TRDN: variants seen among roughly 807,000 people sequenced by gnomAD.
The protein encoded by TRDN is triadin in skeletal muscle.
Under a neutral mutation model 149.7 loss-of-function variants are expected in TRDN, and 161 were observed. The ratio of observed to expected loss-of-function variants is 1.08; its 90% CI spans 0.95 to 1.23. The LOEUF is 1.23. Ranked by LOEUF, TRDN falls within the 50% of genes most tolerant of loss-of-function variation. The probability of loss-of-function intolerance (pLI) is 0.00; values close to 1 mark genes in which losing one functional copy is unlikely to be tolerated. For missense variants in TRDN, 896 were observed against 823.5 expected (o/e 1.09, Z -1.08); for synonymous variants, 294 against 250.5 (o/e 1.17, Z -1.64).
chr6:123,464,644 T>C (rs553477926), intron 10 of TRDN: 1 of 1,202,250 alleles, frequency 8.3e-7, no homozygotes, highest in South Asian at 2.6e-5. Context: ...TGTCCCTATA[T>C]TTTTTTGCTT....
intron 40 of TRDN, among the ~76,000 whole-genome samples, chr6:123,218,988 G>A (rs1035063222): frequency 3.8e-4 from 57 of 151,818 alleles, no homozygotes; most frequent in African/African-American, 1.4e-3. Context: ...AATTCTTCCT[G>A]GTATGTAATA....
At chr6:123,611,699 A>G (rs1213993493) in intron 1 of TRDN, among the ~76,000 whole-genome samples, 2 of 152,260 alleles carry the variant, frequency 1.3e-5, no homozygotes, top group East Asian at 1.9e-4. Flanking sequence ...AGGATTTTAG[A>G]TCTATGATTG....
intron 24 of TRDN, among the ~76,000 whole-genome samples, chr6:123,301,017 T>A (rs1022725555): frequency 6.6e-6 from 1 of 151,998 alleles, no homozygotes; most frequent in Non-Finnish European, 1.5e-5. Flanking sequence ...TGCCAGGAAC[T>A]GTTCCTAGCA....
intron 38 of TRDN, among the ~76,000 whole-genome samples, chr6:123,233,829 G>A (rs1775696203): frequency 6.6e-6 from 1 of 151,806 alleles, no homozygotes; most frequent in South Asian, 2.1e-4. Context: ...TTTAATAATT[G>A]TATCCATTTT....
intron 14 of TRDN, among the ~76,000 whole-genome samples, chr6:123,385,508 T>C (rs1179651738): frequency 6.6e-6 from 1 of 152,076 alleles, no homozygotes; most frequent in Admixed American, 6.6e-5. Flanking sequence ...GATAGCCTAC[T>C]AGTGCTAGTA....
chr6:123,223,342 G>T (rs1775221690), intron 39 of TRDN, among the ~76,000 whole-genome samples: 1 of 151,690 alleles, frequency 6.6e-6, no homozygotes, highest in South Asian at 2.1e-4. Context: ...TGGATGGCAG[G>T]ATTAATACCT....
intron 1 of TRDN, among the ~76,000 whole-genome samples, chr6:123,574,820 G>A (rs890352381): frequency 2.3e-5 from 3 of 131,336 alleles, no homozygotes; most frequent in African/African-American, 5.6e-5. Flanking sequence ...ATTGTAAAAA[G>A]GCTAAACATT....
chr6:123,302,305 A>AT (rs1778457573), intron 24 of TRDN, among the ~76,000 whole-genome samples: 1 of 152,040 alleles, frequency 6.6e-6, no homozygotes, highest in Non-Finnish European at 1.5e-5. Flanking sequence ...CAACTGGTAA[A>AT]ATATAAAGGC....
At chr6:123,502,972 T>TTA (rs1342430052) in intron 8 of TRDN, 47 of 985,188 alleles carry the variant, frequency 4.8e-5, no homozygotes, top group Non-Finnish European at 5.4e-5. Context: ...GTTGCCCTCC[T>TTA]AAACCTTCAG....
chr6:123,246,210 T>C (rs1776172455), intron 38 of TRDN, among the ~76,000 whole-genome samples: 2 of 151,986 alleles, frequency 1.3e-5, no homozygotes, highest in Non-Finnish European at 2.9e-5. Flanking sequence ...ATTCAAAATC[T>C]AGCAGAAGAC....
intron 5 of TRDN, among the ~76,000 whole-genome samples, chr6:123,520,855 A>G (rs1779643033): frequency 6.6e-6 from 1 of 152,060 alleles, no homozygotes; most frequent in Non-Finnish European, 1.5e-5. Context: ...TTTATTTTTC[A>G]TGATTGCCAG....
Position 123,331,867 on chromosome 6 carries a change from G to T in TRDN, c.1471+12C>A. ...GATCAATGTGGCTTCACATTTCATT[G>T]TATAATATTACCTTTTTCCTTTAGG... is the stretch of plus-strand genomic sequence containing the variant. On this transcript the variant is annotated intron_variant, in intron 23 of 40. Coordinates refer to ENST00000334268, the MANE Select transcript of TRDN (RefSeq NM_006073.4). The T allele has an allele frequency of 6.6e-7, 1 of 1,520,488 alleles. No individual in the cohort carries two copies. The highest frequency in any genetic ancestry group is 8.9e-7 in the Non-Finnish European group (1 of 1,127,624). 94.2% of individuals were successfully genotyped at this position (1,520,488 alleles called of 1,614,324 possible). A position where few individuals can be genotyped will look rare whatever the true frequency, so the allele number is the denominator to read the frequency against.
At chr6:123,515,441 G>A (rs944359956) in intron 6 of TRDN, among the ~76,000 whole-genome samples, 4 of 151,846 alleles carry the variant, frequency 2.6e-5, no homozygotes, top group Non-Finnish European at 5.9e-5. Context: ...TAAACACTAT[G>A]CAGCTTTTTA....
At chr6:123,506,482 A>C (rs909899292) in intron 7 of TRDN, among the ~76,000 whole-genome samples, 1 of 150,006 alleles carries the variant, frequency 6.7e-6, no homozygotes, top group South Asian at 2.1e-4. Context: ...TTTTTTATTT[A>C]TTTTTGTCTT....
Position 123,219,258 on chromosome 6 carries a change from A to G in TRDN, c.2051-518T>C, listed in dbSNP as rs2114493694. On this transcript the variant is annotated intron_variant, in intron 40 of 40. Coordinates refer to ENST00000334268, the MANE Select transcript of TRDN (RefSeq NM_006073.4). ...AAGGTGGCTTGGTTGCTCTTTGAGC[A>G]ACAAAGGTAGCAGCCAGGTAGCAGC... Among the ~76,000 whole-genome samples the G allele has an allele frequency of 1.3e-5, 2 of 151,952 alleles. 1 individual carries two copies. Among genetic ancestry groups the G allele is most frequent in the South Asian group, 4.1e-4 (2 of 4,826 alleles).
chr6:123,451,877 C>T (rs573859534), intron 10 of TRDN, among the ~76,000 whole-genome samples: 1 of 152,186 alleles, frequency 6.6e-6, no homozygotes, highest in South Asian at 2.1e-4. Context: ...AATCCAATAA[C>T]ATATCAAAAA....
intron 4 of TRDN, among the ~76,000 whole-genome samples, chr6:123,537,535 C>T (rs939007685): frequency 6.6e-6 from 1 of 152,174 alleles, no homozygotes; most frequent in African/African-American, 2.4e-5. Flanking sequence ...CTTCACCAAA[C>T]TCCAAGTGAA....
At chr6:123,306,285 C>T (rs1469900794) in intron 24 of TRDN, among the ~76,000 whole-genome samples, 1 of 152,034 alleles carries the variant, frequency 6.6e-6, no homozygotes, top group Non-Finnish European at 1.5e-5. Flanking sequence ...TCTGATGACC[C>T]CAAACATTTC....
chr6:123,495,638 T>C (rs973414974), intron 9 of TRDN, among the ~76,000 whole-genome samples: 6 of 152,294 alleles, frequency 3.9e-5, no homozygotes, highest in East Asian at 1.9e-4. Flanking sequence ...AGTGCTGTGA[T>C]GACAGGTATA....
Sources: gnomAD v4.1 joint callset for allele counts (sites outside exome capture counted in the v4.1 genomes callset) on GRCh38, gnomAD v4.1.1 for gene constraint, MANE v1.5 for transcripts, NCBI Gene and HGNC (gene_info 2026-07-23, HGNC 2026-07-21) for gene names.